Variants in RICTOR observed in about 807,000 individuals in gnomAD.
RICTOR encodes RPTOR independent companion of MTOR complex 2.
RICTOR carries 49 observed loss-of-function variants against 214.9 expected under a neutral mutation model. The ratio of observed to expected loss-of-function variants is 0.23; its 90% CI spans 0.18 to 0.29. RICTOR has a LOEUF of 0.29. RICTOR is among the 10% of genes least tolerant of loss of function. The pLI is 1.00. For synonymous variants in RICTOR, 717 were observed against 711.3 expected, an observed-to-expected ratio of 1.01 and a Z score of -0.13; for missense variants, 1,625 against 2,047.0, an observed-to-expected ratio of 0.79 and a Z score of 3.98.
Position 38,967,260 on chromosome 5 carries a change from A to T in RICTOR, c.1152-33T>A, listed in dbSNP as rs750905714. The T allele has an allele frequency of 7.8e-5, 125 of 1,603,654 alleles. 1 individual carries two copies. In the South Asian group the frequency reaches 1.4e-3, roughly 17 times the overall value. On this transcript the variant is annotated intron_variant, in intron 13 of 37. Coordinates refer to ENST00000357387, the MANE Select transcript of RICTOR (RefSeq NM_152756.5). Reference sequence around the variant, plus strand: ...AAACAGCACAGAAACAATTTAAATAAAGTTTCATAGATTACACAGTCTAAC... The same window carrying T: ...AAACAGCACAGAAACAATTTAAATATAGTTTCATAGATTACACAGTCTAAC...
intron 2 of RICTOR, among the ~76,000 whole-genome samples, chr5:39,069,308 C>T (rs768906751): frequency 5.9e-5 from 9 of 152,184 alleles, no homozygotes; most frequent in Admixed American, 2.0e-4. Flanking sequence ...CCATATCTCC[C>T]ACTTTCAGCC....
chr5:38,954,217 GTTACA>G (rs1749040094), intron 27 of RICTOR, among the ~76,000 whole-genome samples: 1 of 151,790 alleles, frequency 6.6e-6, no homozygotes, highest in Non-Finnish European at 1.5e-5. Context: ...TAAGAGAAAC[GTTACA>G]TTTATTGGAA....
At chr5:38,981,378 T>G (rs1441220342) in intron 8 of RICTOR, 1 of 155,790 alleles carries the variant, frequency 6.4e-6, no homozygotes, top group African/African-American at 2.4e-5. Flanking sequence ...CTAACTGTAA[T>G]AAACCTTACT....
chr5:39,048,875 G>A (rs754491495), intron 2 of RICTOR, among the ~76,000 whole-genome samples: 2 of 152,022 alleles, frequency 1.3e-5, no homozygotes, highest in South Asian at 2.1e-4. Flanking sequence ...AATTTGTTAC[G>A]CATAAAGTTA....
At chr5:39,038,042 C>T (rs376787658) in intron 2 of RICTOR, among the ~76,000 whole-genome samples, 2 of 152,164 alleles carry the variant, frequency 1.3e-5, no homozygotes, top group Admixed American at 1.3e-4. Context: ...ACCAATATCC[C>T]TGATGAACAT....
intron 8 of RICTOR, 136 bp downstream of exon 8, chr5:38,981,731 T>C (rs1261958859): frequency 3.5e-6 from 2 of 572,204 alleles, no homozygotes; most frequent in Non-Finnish European, 6.0e-6. Flanking sequence ...AAAACAGAGC[T>C]GGGAATAAAT....
At chr5:39,045,042 A>T (rs1390632683) in intron 2 of RICTOR, among the ~76,000 whole-genome samples, 1 of 152,188 alleles carries the variant, frequency 6.6e-6, no homozygotes, top group Non-Finnish European at 1.5e-5. Flanking sequence ...AATGGAAAAA[A>T]GGCATCAAGT....
rs183044908 is a variant in RICTOR at position 39,057,832 on chromosome 5, G to A, written c.97+16279C>T. ...TTTTCCACACTTCCAAAGAGTGTAT[G>A]TATAAAAATTTAATACACTTCAAGT... is the stretch of plus-strand genomic sequence containing the variant. On this transcript the variant is annotated intron_variant, in intron 2 of 37. Transcript: ENST00000357387. Among the ~76,000 whole-genome samples, 20 of 152,146 alleles carry A rather than the reference G, an allele frequency of 1.3e-4. 1 individual carries two copies. The East Asian group carries it at 3.7e-3, about 28-fold the overall frequency.
chr5:38,949,355 C>A (rs1192550042), intron 31 of RICTOR: 3 of 1,562,404 alleles, frequency 1.9e-6, no homozygotes, highest in Non-Finnish European at 2.6e-6. Flanking sequence ...AATTGACCTA[C>A]CTGAAAAGGT....
In RICTOR at chr5:39,036,695, C is replaced by A. The variant is rs554940929; in HGVS notation, c.98-15559G>T. Among the ~76,000 whole-genome samples, 48 of 152,216 alleles carry A rather than the reference C, an allele frequency of 3.2e-4. 3 individuals are homozygous for A. Among genetic ancestry groups the A allele is most frequent in the African/African-American group, 1.1e-3 (47 of 41,516 alleles). On this transcript the variant is annotated intron_variant, in intron 2 of 37. Coordinates refer to ENST00000357387, the MANE Select transcript of RICTOR (RefSeq NM_152756.5). ...GTCTCTGATAAAACAGACTTTAAAC[C>A]AGCAAAGATCAAAAGAGACAAAGAA...
Position 38,959,865 on chromosome 5 carries a change from A to T in RICTOR, c.1965T>A (p.Leu655=), listed in dbSNP as rs747668033. Residue 655 remains leucine (L), a synonymous_variant, in exon 21 of 38, where the codon CTT becomes CTA. Transcript: ENST00000357387. ...CAATAAATAAAAAGTAGTGTTGACT[A>T]AGGGTGGTCAATAAACCATTATTTT... is the stretch of plus-strand genomic sequence containing the variant. ...SLQNNGLLTT[L]SQHYFLFIGT... 6.2e-7 allele frequency: 1 copy of T among 1,612,918 alleles called. No homozygotes were observed. The highest frequency in any genetic ancestry group is 1.1e-5 in the South Asian group (1 of 91,056).
At chr5:38,972,386 T>C (rs1750859946) in intron 10 of RICTOR, among the ~76,000 whole-genome samples, 1 of 152,204 alleles carries the variant, frequency 6.6e-6, no homozygotes, top group South Asian at 2.1e-4. Context: ...GTATAAGTAA[T>C]AGACTTCAAA....
intron 2 of RICTOR, among the ~76,000 whole-genome samples, chr5:39,035,027 T>TCCCTGAC (rs1172101505): frequency 6.6e-6 from 1 of 152,118 alleles, no homozygotes; most frequent in Admixed American, 6.6e-5. Context: ...CTCAAGTGGG[T>TCCCTGAC]CCCTGACCCC....
intron 2 of RICTOR, among the ~76,000 whole-genome samples, chr5:39,038,663 T>C (rs1482050466): frequency 5.9e-5 from 9 of 152,272 alleles, no homozygotes; most frequent in Non-Finnish European, 8.8e-5. Flanking sequence ...ACAAGCATTC[T>C]TATACACCAA....
intron 9 of RICTOR, among the ~76,000 whole-genome samples, chr5:38,978,082 T>C (rs1751390041): frequency 6.6e-6 from 1 of 152,186 alleles, no homozygotes; most frequent in Non-Finnish European, 1.5e-5. Context: ...ATGTTAAAGT[T>C]ATCTCCAAAT....
intron 7 of RICTOR, among the ~76,000 whole-genome samples, chr5:38,986,913 T>C: frequency 6.6e-6 from 1 of 152,238 alleles, no homozygotes; most frequent in East Asian, 1.9e-4. Flanking sequence ...CATAGTTTAC[T>C]GAGAGTTTTT....
At chr5:39,066,121 G>A (rs1758889074) in intron 2 of RICTOR, among the ~76,000 whole-genome samples, 1 of 152,232 alleles carries the variant, frequency 6.6e-6, no homozygotes, top group Admixed American at 6.5e-5. Flanking sequence ...TAGACACCCA[G>A]GCTTTCTCAT....
intron 2 of RICTOR, among the ~76,000 whole-genome samples, chr5:39,066,384 T>C (rs1758907743): frequency 6.6e-6 from 1 of 152,250 alleles, no homozygotes; most frequent in African/African-American, 2.4e-5. Context: ...TCTTTCTTCC[T>C]AGGCCTCTGG....
rs1204015443 is a variant in RICTOR, at chr5:38,940,061, G to C, written c.*2243C>G. 1.9e-5 allele frequency: 4 copies of C among 207,856 alleles called. No individual in the cohort carries two copies. Among genetic ancestry groups the C allele is most frequent in the African/African-American group, 9.9e-5 (4 of 40,466 alleles). The allele number at this position is 207,856 out of a possible 1,614,324, so 12.9% of individuals were successfully genotyped here. A position where few individuals can be genotyped will look rare whatever the true frequency, so the allele number is the denominator to read the frequency against. On this transcript the variant is annotated 3_prime_UTR_variant, in exon 38 of 38. Transcript: ENST00000357387. ...TATACTGATAACCACAAAGCTCTGA[G>C]TATCTCCCCAAAGTAAGTGATATAG...
Sources: gnomAD v4.1 joint callset for allele counts (sites outside exome capture counted in the v4.1 genomes callset) on GRCh38, gnomAD v4.1.1 for gene constraint, MANE v1.5 for transcripts, NCBI Gene and HGNC (gene_info 2026-07-23, HGNC 2026-07-21) for gene names.